JAKMIP1: variants seen among roughly 807,000 people sequenced by gnomAD.
The protein encoded by JAKMIP1 is janus kinase and microtubule interacting protein 1.
A neutral mutation model predicts 113.0 loss-of-function variants in JAKMIP1; 33 were observed. The ratio of observed to expected loss-of-function variants is 0.29; its 90% CI spans 0.22 to 0.39. The LOEUF is 0.39. Among genes scored for constraint, JAKMIP1 ranks in the 10% least tolerant of loss-of-function variants. The pLI is 1.00. For synonymous variants in JAKMIP1, 480 were observed against 459.9 expected (o/e 1.04, Z -0.56); for missense variants, 813 against 1,080.5 (o/e 0.75, Z 3.47).
chr4:6,053,671 T>A, intron 13 of JAKMIP1: 1 of 522,988 alleles, frequency 1.9e-6, no homozygotes, highest in Non-Finnish European at 2.6e-6. Flanking sequence ...TGCTTCCGTC[T>A]GGGTGTGCAG....
chr4:6,113,729 C>G (rs117078472), intron 1 of JAKMIP1, among the ~76,000 whole-genome samples: 20 of 152,362 alleles, frequency 1.3e-4, no homozygotes, highest in African/African-American at 4.6e-4. Flanking sequence ...CGCCTCTGCT[C>G]TCCCTTCCCT....
intron 1 of JAKMIP1, among the ~76,000 whole-genome samples, chr4:6,147,741 G>A (rs567463573): frequency 6.8e-4 from 104 of 152,320 alleles, no homozygotes; most frequent in South Asian, 1.9e-3. Context: ...CAGAGGGCCC[G>A]GCCTGGGTCT....
intron 1 of JAKMIP1, among the ~76,000 whole-genome samples, chr4:6,114,771 C>G (rs1024950830): frequency 2.6e-5 from 4 of 152,238 alleles, no homozygotes; most frequent in African/African-American, 9.6e-5. Flanking sequence ...ATACATAATT[C>G]ATTCCTCACC....
chr4:6,125,902 C>CACACACACCATACACACCATGTACAA lies in JAKMIP1; in HGVS notation c.-147-12906_-147-12905insTTGTACATGGTGTGTATGGTGTGTGT, dbSNP rs759640922. 1.2e-4 allele frequency among the ~76,000 whole-genome samples: 3 copies of CACACACACCATACACACCATGTACAA among 24,860 alleles called. 1 individual carries two copies. The highest frequency in any genetic ancestry group is 1.9e-4 in the Non-Finnish European group (3 of 15,398). The allele number at this position is 24,860 out of a possible 152,430, so 16.3% of individuals were successfully genotyped here. Reference sequence around the variant, plus strand: ...TCCATACACACCATGCAGAAACACACACACACACCATACACACCATGCAGA... The same window carrying CACACACACCATACACACCATGTACAA: ...TCCATACACACCATGCAGAAACACACACACACACCATACACACCATGTACAAACACACACCATACACACCATGCAGA... On this transcript the variant is annotated intron_variant, in intron 1 of 20. Coordinates refer to ENST00000409021, the MANE Select transcript of JAKMIP1 (RefSeq NM_001099433.2).
intron 11 of JAKMIP1, among the ~76,000 whole-genome samples, chr4:6,060,178 G>C (rs1219756159): frequency 1.3e-5 from 2 of 152,102 alleles, no homozygotes; most frequent in Non-Finnish European, 2.9e-5. Flanking sequence ...TTGTGCATTT[G>C]GCAAACAAAC....
intron 16 of JAKMIP1, among the ~76,000 whole-genome samples, chr4:6,045,907 T>C (rs1356122610): frequency 6.6e-6 from 1 of 152,164 alleles, no homozygotes; most frequent in African/African-American, 2.4e-5. Context: ...AACATTGACA[T>C]TGACTTCCAC....
At chr4:6,101,897 C>T (rs1158602029) in intron 3 of JAKMIP1, among the ~76,000 whole-genome samples, 1 of 82,618 alleles carries the variant, frequency 1.2e-5, no homozygotes, top group Non-Finnish European at 2.4e-5. Context: ...CAGAGCAAGA[C>T]TCAGTTAAAA....
Position 6,044,001 on chromosome 4 carries a change from C to T in JAKMIP1, c.2029-1774G>A, listed in dbSNP as rs146824255. 8.5e-5 allele frequency among the ~76,000 whole-genome samples: 13 copies of T among 152,120 alleles called. No homozygotes were observed. The East Asian group carries it at 2.5e-3, about 30-fold the overall frequency. On this transcript the variant is annotated intron_variant, in intron 16 of 20. Transcript: ENST00000409021. This position sits in a 1 kb window ranked among gnomAD's most constrained non-coding sequence, Gnocchi z 4.4. The stretch of plus-strand genomic sequence containing the variant: ...ATGCCCAGCCTTTCCATGTGCTGTC[C>T]CTACCTCTCCTGGCCCCAGCCTCAG...
chr4:6,070,631 C>A (rs954584546), intron 8 of JAKMIP1, among the ~76,000 whole-genome samples: 1 of 152,258 alleles, frequency 6.6e-6, no homozygotes, highest in Non-Finnish European at 1.5e-5. Context: ...CGGGGCAGCA[C>A]TAGCAATGGC....
At position 6,152,762 on chromosome 4, in the gene JAKMIP1, C is replaced by T. The variant is rs983607920; in HGVS notation, c.-147-39765G>A. On this transcript the variant is annotated intron_variant, in intron 1 of 20. Coordinates refer to ENST00000409021, the MANE Select transcript of JAKMIP1 (RefSeq NM_001099433.2). ...TTCGAGACCAGCCTGGCCAACATGG[C>T]GAAACTCTGTCTCTACTAAAAATAC... 7.1e-5 allele frequency among the ~76,000 whole-genome samples: 10 copies of T among 141,502 alleles called. No homozygotes were observed. In the South Asian group the frequency reaches 1.3e-3, roughly 18 times the overall value. The allele number at this position is 141,502 out of a possible 152,430, so 92.8% of individuals were successfully genotyped here. A position where few individuals can be genotyped will look rare whatever the true frequency, so the allele number is the denominator to read the frequency against.
intron 2 of JAKMIP1, among the ~76,000 whole-genome samples, chr4:6,109,366 C>T (rs1018864484): frequency 5.6e-4 from 85 of 151,934 alleles, no homozygotes; most frequent in Middle Eastern, 6.9e-3. Flanking sequence ...ATCTCCTGAC[C>T]TCATTATCCG....
chr4:6,095,621 C>T (rs1711602164), intron 3 of JAKMIP1, among the ~76,000 whole-genome samples: 1 of 152,200 alleles, frequency 6.6e-6, no homozygotes, highest in Non-Finnish European at 1.5e-5. Context: ...CTCGAGGCAG[C>T]AAACGCGGAT....
intron 1 of JAKMIP1, among the ~76,000 whole-genome samples, chr4:6,123,983 G>GT (rs1560227074): frequency 6.6e-6 from 1 of 152,172 alleles, no homozygotes; most frequent in Non-Finnish European, 1.5e-5. Context: ...TCCATGAGGC[G>GT]TATCAATAAT....
intron 18 of JAKMIP1, among the ~76,000 whole-genome samples, chr4:6,037,483 G>A (rs1210658183): frequency 9.9e-5 from 12 of 121,680 alleles, no homozygotes; most frequent in East Asian, 2.4e-4. Flanking sequence ...GAGGCTAACC[G>A]GTATCCCTCC....
intron 1 of JAKMIP1, among the ~76,000 whole-genome samples, chr4:6,133,058 A>G (rs973046152): frequency 3.3e-5 from 5 of 152,322 alleles, no homozygotes; most frequent in Middle Eastern, 3.4e-3. Flanking sequence ...TTTGTAATAA[A>G]TTCAATCAGA....
Position 6,162,031 on chromosome 4 carries a change from A to G in JAKMIP1, c.-148+38222T>C, listed in dbSNP as rs1398101106. ...CGGGTACATGGTGCCTCCTTGATGG[A>G]GCCGAGCAGGAAGGAAAGGGGTGGA... On this transcript the variant is annotated intron_variant, in intron 1 of 20. Transcript: ENST00000409021. This position sits in a 1 kb window ranked among gnomAD's most constrained non-coding sequence, Gnocchi z 5.6. Among the ~76,000 whole-genome samples the G allele has an allele frequency of 6.6e-6, 1 of 150,874 alleles. No homozygotes were observed. The highest frequency in any genetic ancestry group is 2.5e-5 in the African/African-American group (1 of 40,262).
intron 1 of JAKMIP1, among the ~76,000 whole-genome samples, chr4:6,190,636 T>C (rs374638068): frequency 1.3e-5 from 2 of 152,026 alleles, no homozygotes; most frequent in Admixed American, 1.3e-4. Context: ...GGCGGCACGA[T>C]GCCAGGCACC....
chr4:6,026,850 T>C (rs1433039120), intron 20 of JAKMIP1, among the ~76,000 whole-genome samples: 1 of 141,700 alleles, frequency 7.1e-6, no homozygotes, highest in African/African-American at 2.7e-5. Flanking sequence ...CTTAAAACAT[T>C]ATGGAATTTC....
chr4:6,049,969 G>A lies in JAKMIP1; in HGVS notation c.1909-97C>T, dbSNP rs886667057. 84 of 831,366 alleles carry A rather than the reference G, an allele frequency of 1.0e-4. No homozygotes were observed. Among genetic ancestry groups the A allele is most frequent in the South Asian group, 3.2e-4 (21 of 64,630 alleles). 51.5% of individuals were successfully genotyped at this position (831,366 alleles called of 1,614,324 possible). On this transcript the variant is annotated intron_variant, in intron 14 of 20. Transcript: ENST00000409021. The surrounding 1 kb of genome is among the most constrained non-coding windows in gnomAD (Gnocchi z 7.0). Reference sequence around the variant, plus strand: ...GCCTTTCCTCTGGACAAGACACCGCGCTCTTTCTTTTCTTTTCTGGCCAAG... The same window carrying A: ...GCCTTTCCTCTGGACAAGACACCGCACTCTTTCTTTTCTTTTCTGGCCAAG...
Sources: gnomAD v4.1 joint callset for allele counts (sites outside exome capture counted in the v4.1 genomes callset) on GRCh38, gnomAD v4.1.1 for gene constraint, Gnocchi (gnomAD v3.1) non-coding constraint, MANE v1.5 for transcripts, NCBI Gene and HGNC (gene_info 2026-07-23, HGNC 2026-07-21) for gene names.